The following IGBP1 variants were observed in gnomAD, a reference collection of about 807,000 sequenced individuals.
The protein encoded by IGBP1 is immunoglobulin binding protein 1.
In IGBP1, 2 loss-of-function variants were observed where a neutral mutation model predicts 25.9. That is an observed-to-expected ratio of 0.08 (90% CI 0.03 to 0.24). The LOEUF is 0.24. Among genes scored for constraint, IGBP1 ranks in the 10% least tolerant of loss-of-function variants. IGBP1 has a pLI of 1.00. For missense variants in IGBP1, 187 were observed against 260.4 expected (o/e 0.72, Z 1.94); for synonymous variants, 96 against 93.4 (o/e 1.03, Z -0.16).
rs778632692 is a variant in IGBP1, at chrX:70,148,997, G to T, written c.758+157G>T. ...TAATCCCAGCACTTTGGGAGGCTGA[G>T]GTGGGTGGATCACCTGAGGTCGGGA... On this transcript the variant is annotated intron_variant, in intron 5 of 6. Transcript: ENST00000356413. The T allele has an allele frequency of 2.6e-4, 127 of 484,030 alleles. No homozygotes were observed. The Middle Eastern group carries it at 2.7e-3, about 10-fold the overall frequency. The allele number at this position is 484,030 out of a possible 1,213,427, so 39.9% of individuals were successfully genotyped here.
intron 6 of IGBP1, among the ~76,000 whole-genome samples, chrX:70,154,511 A>T (rs983635007): frequency 9.3e-6 from 1 of 107,664 alleles, no homozygotes; most frequent in Non-Finnish European, 1.9e-5. Context: ...CTTGCAAAAG[A>T]CTTATCTGAT....
intron 3 of IGBP1, among the ~76,000 whole-genome samples, chrX:70,140,785 G>T (rs145722744): frequency 0.01 from 1,132 of 111,361 alleles, 11 homozygotes; most frequent in African/African-American, 0.035. Flanking sequence ...GTGGACGCTG[G>T]GTAAGTAATG....
chrX:70,145,143 T>A (rs1300281508), intron 3 of IGBP1, among the ~76,000 whole-genome samples: 1 of 110,359 alleles, frequency 9.1e-6, no homozygotes, highest in Non-Finnish European at 1.9e-5. Flanking sequence ...GGACTTCAGC[T>A]TAAGACCCCC....
At chrX:70,149,023 G>A in intron 5 of IGBP1, 183 bp downstream of exon 5, 1 of 437,298 alleles carries the variant, frequency 2.3e-6, no homozygotes, top group Non-Finnish European at 4.1e-6. Flanking sequence ...GAGGTCGGGA[G>A]TTCGAGACCA....
Position 70,152,468 on chromosome X carries a change from GAA to G in IGBP1, c.871+2153_871+2154del, listed in dbSNP as rs35711931. 2.7e-5 allele frequency among the ~76,000 whole-genome samples: 3 copies of G among 109,607 alleles called. No individual in the cohort carries two copies. The South Asian group carries it at 1.2e-3, about 43-fold the overall frequency. ...AATTCAATCCTAAGCTATTAGACAT[GAA>G]AAAAAACAAACAGGAAAATGTGACT... On this transcript the variant is annotated intron_variant, in intron 6 of 6. Coordinates refer to ENST00000356413, the MANE Select transcript of IGBP1 (RefSeq NM_001551.3).
chrX:70,134,420 T>A, intron 2 of IGBP1, 103 bp from the exon 3 acceptor site: 1 of 881,069 alleles, frequency 1.1e-6, no homozygotes, highest in South Asian at 2.1e-5. Context: ...GCCTCCTCCC[T>A]CTGGTCCACT....
intron 4 of IGBP1, 193 bp from the exon 5 acceptor site, chrX:70,148,568 G>T: frequency 2.4e-6 from 1 of 421,864 alleles, no homozygotes. Context: ...TTTTTTGCAA[G>T]GTACTCAGGC....
At chrX:70,133,583 T>C in intron 1 of IGBP1, 43 bp downstream of exon 1, 1 of 395,963 alleles carries the variant, frequency 2.5e-6, no homozygotes, top group Non-Finnish European at 4.3e-6. Flanking sequence ...CACTCGCTCG[T>C]CCGCACTCCT....
At chrX:70,149,914 C>G (rs149866435) in intron 5 of IGBP1, among the ~76,000 whole-genome samples, 149 of 111,249 alleles carry the variant, frequency 1.3e-3, no homozygotes, top group African/African-American at 4.8e-3. Context: ...AATACCCATT[C>G]CACGGTGTCT....
intron 6 of IGBP1, among the ~76,000 whole-genome samples, chrX:70,157,730 T>C (rs1196284880): frequency 2.7e-5 from 3 of 111,992 alleles, no homozygotes; most frequent in Non-Finnish European, 3.8e-5. Context: ...GTGTGCTGGT[T>C]GAAAGCTAGT....
chrX:70,151,191 C>T (rs1474952442), intron 6 of IGBP1, among the ~76,000 whole-genome samples: 2 of 111,379 alleles, frequency 1.8e-5, no homozygotes, highest in Non-Finnish European at 3.8e-5. Context: ...GAACTCCTGA[C>T]CTCAGGTGAT....
rs1277498979 is a variant in IGBP1, at chrX:70,134,027, A to G, written c.80A>G (p.Glu27Gly). ...GGTAGACAGTTACTGGACGAAGTAG[A>G]AGTGGCGACTGAACCCGCCGGTTCC... Reference protein sequence around the residue: ...ETGRQLLDEVEVATEPAGSRI... With the variant: ...ETGRQLLDEVGVATEPAGSRI... The change falls in exon 2 of 7, where the codon GAA (glutamate) becomes GGA (glycine). Residue 27 changes from glutamate to glycine, a missense_variant. By Grantham distance (98) the Glu-to-Gly change is moderately conservative. Coordinates refer to ENST00000356413, the MANE Select transcript of IGBP1 (RefSeq NM_001551.3). The G allele has an allele frequency of 8.3e-7, 1 of 1,211,315 alleles. No individual in the cohort carries two copies. Among genetic ancestry groups the G allele is most frequent in the Non-Finnish European group, 1.1e-6 (1 of 894,884 alleles).
intron 1 of IGBP1, 53 bp from the exon 2 acceptor site, chrX:70,133,670 A>T: frequency 4.7e-6 from 2 of 422,870 alleles, no homozygotes; most frequent in Non-Finnish European, 4.1e-6. Context: ...GGCGACGAGG[A>T]GCTCATGGTA....
intron 3 of IGBP1, among the ~76,000 whole-genome samples, chrX:70,143,050 G>A (rs1602664390): frequency 9.3e-6 from 1 of 107,284 alleles, no homozygotes; most frequent in Non-Finnish European, 1.9e-5. Flanking sequence ...CAGCCTCCGA[G>A]TAGCTGGGAC....
At chrX:70,140,966 A>G (rs1268320952) in intron 3 of IGBP1, among the ~76,000 whole-genome samples, 1 of 110,652 alleles carries the variant, frequency 9.0e-6, no homozygotes, top group African/African-American at 3.3e-5. Flanking sequence ...TTTGCCAAGG[A>G]AAAACATGTA....
chrX:70,136,635 C>T (rs2085096110), intron 3 of IGBP1, among the ~76,000 whole-genome samples: 1 of 110,621 alleles, frequency 9.0e-6, no homozygotes, highest in Admixed American at 9.7e-5. Flanking sequence ...TTAGGTAGGA[C>T]ACGCCAAAGA....
intron 6 of IGBP1, among the ~76,000 whole-genome samples, chrX:70,158,890 G>A (rs1375837558): frequency 8.9e-6 from 1 of 111,734 alleles, no homozygotes; most frequent in Non-Finnish European, 1.9e-5. Flanking sequence ...ACTTTTAAGT[G>A]GGTAGATTTT....
chrX:70,159,911 T>TGTTG (rs1216668129), intron 6 of IGBP1, among the ~76,000 whole-genome samples: 1 of 111,402 alleles, frequency 9.0e-6, no homozygotes, highest in African/African-American at 3.3e-5. Flanking sequence ...TGCAGTGCAA[T>TGTTG]GTTGGCTTTG....
At chrX:70,151,863 G>T (rs2085205451) in intron 6 of IGBP1, among the ~76,000 whole-genome samples, 2 of 111,425 alleles carry the variant, frequency 1.8e-5, no homozygotes, top group South Asian at 7.6e-4. Context: ...GGGTGACAGA[G>T]TGAGACCCTG....
Sources: allele counts gnomAD v4.1 joint callset (sites outside exome capture counted in the v4.1 genomes callset), GRCh38; gene constraint gnomAD v4.1.1; transcripts MANE v1.5; gene names NCBI Gene and HGNC (gene_info 2026-07-23, HGNC 2026-07-21).